The following AMZ1 variants were observed in gnomAD, a reference collection of about 807,000 sequenced individuals.
AMZ1 encodes archaemetzincin-1.
Under a neutral mutation model 29.9 loss-of-function variants are expected in AMZ1, and 39 were observed. That is an observed-to-expected ratio of 1.30 (90% CI 1.01 to 1.70). The LOEUF (loss-of-function observed/expected upper bound fraction) is 1.70. Ranked by LOEUF, AMZ1 falls within the 40% of genes most tolerant of loss-of-function variation. The probability of loss-of-function intolerance (pLI) is 0.00; values close to 1 mark genes in which losing one functional copy is unlikely to be tolerated. For synonymous variants in AMZ1, 458 were observed against 304.0 expected (o/e 1.51, Z -5.27); for missense variants, 1,041 against 680.6 (o/e 1.53, Z -5.89).
At chr7:2,722,859 T>C (rs921061158), downstream of AMZ1, among the ~76,000 whole-genome samples, 1 of 151,988 alleles carries the variant, frequency 6.6e-6, no homozygotes, top group South Asian at 2.1e-4. Context: ...ATGCCTGTGG[T>C]CCCAGCTACT....
rs140546848 is a variant in AMZ1, at chr7:2,717,303, C to T, written c.*4425C>T. ...GACGGAGAGAATCAGGGCTTCGCGA[C>T]GGGGCTCATAGACCTGAACTGGGTC... On this transcript the variant is annotated 3_prime_UTR_variant, in exon 7 of 7. Transcript: ENST00000683327. Among the ~76,000 whole-genome samples the T allele has an allele frequency of 1.7e-3, 256 of 152,280 alleles. 1 individual carries two copies. The highest frequency in any genetic ancestry group is 5.8e-3 in the African/African-American group (241 of 41,502).
chr7:2,733,126 G>A (rs1789984564), intron 4 of AMZ1, among the ~76,000 whole-genome samples: 1 of 152,190 alleles, frequency 6.6e-6, no homozygotes, highest in African/African-American at 2.4e-5. Context: ...AGTGATAACT[G>A]CCATGCCTGG....
chr7:2,694,864 G>C (rs190413919), intron 1 of AMZ1, among the ~76,000 whole-genome samples: 1,703 of 152,064 alleles, frequency 0.011, 21 homozygotes, highest in Middle Eastern at 0.031. Context: ...GTAGAGACAG[G>C]GTTTCACCAT....
rs1789173829 is a variant in AMZ1 at position 2,717,151 on chromosome 7, G to GT, written c.*4274dup. Among the ~76,000 whole-genome samples the GT allele has an allele frequency of 6.6e-6, 1 of 152,220 alleles. No homozygotes were observed. ...CTTCGGACTCTGAGGAGAGGCCTGGGTGGGTGGCCGGCACTCTTAGGTGAG... is the reference window on the plus strand; with the variant it reads ...CTTCGGACTCTGAGGAGAGGCCTGGGTTGGGTGGCCGGCACTCTTAGGTGAG... On this transcript the variant is annotated 3_prime_UTR_variant, in exon 7 of 7. Coordinates refer to ENST00000683327, the MANE Select transcript of AMZ1 (RefSeq NM_001384743.1).
At chr7:2,684,909 G>A (rs1480652576), upstream of AMZ1, among the ~76,000 whole-genome samples, 6 of 141,200 alleles carry the variant, frequency 4.2e-5, no homozygotes, top group Admixed American at 1.5e-4. Flanking sequence ...AGTCTCTGTC[G>A]CCCAGGCTGG....
intron 1 of AMZ1, among the ~76,000 whole-genome samples, chr7:2,688,881 G>A (rs111991494): frequency 0.014 from 2,058 of 152,352 alleles, 40 homozygotes; most frequent in African/African-American, 0.048. Flanking sequence ...GCAAGGGAGG[G>A]GTGACAGAGA....
rs1036893686 is a variant in AMZ1, at chr7:2,717,551, T to G, written c.*4673T>G. 2.0e-5 allele frequency among the ~76,000 whole-genome samples: 3 copies of G among 152,124 alleles called. No homozygotes were observed. Among genetic ancestry groups the G allele is most frequent in the Non-Finnish European group, 2.9e-5 (2 of 68,028 alleles). On this transcript the variant is annotated 3_prime_UTR_variant, in exon 7 of 7. Coordinates refer to ENST00000683327, the MANE Select transcript of AMZ1 (RefSeq NM_001384743.1). ...CCTGTGGGGCAACTGCACACAGAGGTGCCCAGTTTCAAGGAAACCTAAAGC... is the reference window on the plus strand; with the variant it reads ...CCTGTGGGGCAACTGCACACAGAGGGGCCCAGTTTCAAGGAAACCTAAAGC...
chr7:2,732,465 G>C (rs2115283926), intron 4 of AMZ1, among the ~76,000 whole-genome samples: 1 of 152,276 alleles, frequency 6.6e-6, no homozygotes, highest in East Asian at 1.9e-4. Context: ...AGGATCATTT[G>C]AACCTAGGAG....
chr7:2,709,357 ACT>A (rs1788597260), intron 5 of AMZ1, 113 bp downstream of exon 5: 2 of 1,182,554 alleles, frequency 1.7e-6, no homozygotes, highest in Non-Finnish European at 1.1e-6. Flanking sequence ...TGGACCCCTA[ACT>A]CTATGGAATG....
At position 2,700,471 on chromosome 7, in the gene AMZ1, C is replaced by T; in HGVS notation, c.20C>T (p.Ala7Val). The change falls in exon 2 of 7, where the codon GCA becomes GTA. Residue 7 changes from alanine (A) to valine (V), a missense_variant. Transcript: ENST00000683327. The stretch of plus-strand genomic sequence containing the variant: ...CCCACCATGCTGCAGTGTAGACCCG[C>T]ACAGGAGTTCAGCTTCGGGCCCCGG... MLQCRP[A>V]QEFSFGPRAL... The T allele has an allele frequency of 4.4e-6, 7 of 1,602,044 alleles. No individual in the cohort carries two copies. The highest frequency in any genetic ancestry group is 8.5e-7 in the Non-Finnish European group (1 of 1,179,862).
At position 2,743,996 on chromosome 7, in the gene AMZ1, T is replaced by C. The variant is rs1790639686; in HGVS notation, n.551-20716T>C. On this transcript the variant is annotated intron_variant and non_coding_transcript_variant, in intron 4 of 4. Transcript: ENST00000489665. ...GAGGGGTACCCACCATTGCCGAGACTTGATTAGGTAAACAAAGCAGCCGGG... is the reference window on the plus strand; with the variant it reads ...GAGGGGTACCCACCATTGCCGAGACCTGATTAGGTAAACAAAGCAGCCGGG... 1.3e-5 allele frequency among the ~76,000 whole-genome samples: 2 copies of C among 152,222 alleles called. 1 individual carries two copies. Among genetic ancestry groups the C allele is most frequent in the South Asian group, 4.1e-4 (2 of 4,822 alleles).
intron 6 of AMZ1, among the ~76,000 whole-genome samples, chr7:2,710,465 C>T (rs573326927): frequency 1.9e-4 from 29 of 152,350 alleles, no homozygotes; most frequent in African/African-American, 6.7e-4. Context: ...GTCAATGAAA[C>T]CGCGCTGGAA....
At chr7:2,719,683 ATTT>A (rs11426798), downstream of AMZ1, among the ~76,000 whole-genome samples, 1 of 147,324 alleles carries the variant, frequency 6.8e-6, no homozygotes, top group Non-Finnish European at 1.5e-5. Flanking sequence ...ATCAACCCCA[ATTT>A]TTTTTTTTTT....
rs1422586719 is a variant in AMZ1, at chr7:2,708,579, TC to T, written c.473-5del. ...CTCCTGACCCCATCCTCTGGCCCTCTCCCCGCAGACGGCATCCTGTCCTTCT... is the reference window on the plus strand; with the variant it reads ...CTCCTGACCCCATCCTCTGGCCCTCTCCCGCAGACGGCATCCTGTCCTTCT... On this transcript the variant is annotated splice_region_variant and splice_polypyrimidine_tract_variant and intron_variant, in intron 3 of 6. Coordinates refer to ENST00000683327, the MANE Select transcript of AMZ1 (RefSeq NM_001384743.1). The T allele has an allele frequency of 3.1e-6, 5 of 1,611,818 alleles. No homozygotes were observed. The highest frequency in any genetic ancestry group is 3.4e-6 in the Non-Finnish European group (4 of 1,179,814).
At chr7:2,755,010 G>C (rs1250429802) in intron 4 of AMZ1, among the ~76,000 whole-genome samples, 1 of 152,172 alleles carries the variant, frequency 6.6e-6, no homozygotes, top group Non-Finnish European at 1.5e-5. Context: ...TACAGAGACA[G>C]TCCAGCACCC....
At chr7:2,723,927 G>C, downstream of AMZ1, among the ~76,000 whole-genome samples, 1 of 151,792 alleles carries the variant, frequency 6.6e-6, no homozygotes. Flanking sequence ...ATTTTTTTTT[G>C]AGACAGTCTT....
intron 1 of AMZ1, among the ~76,000 whole-genome samples, chr7:2,694,871 C>G (rs2115068963): frequency 6.6e-6 from 1 of 152,236 alleles, no homozygotes; most frequent in African/African-American, 2.4e-5. Context: ...CAGGGTTTCA[C>G]CATGTTGGCC....
At chr7:2,758,196 C>T (rs191928636) in intron 4 of AMZ1, among the ~76,000 whole-genome samples, 33 of 152,294 alleles carry the variant, frequency 2.2e-4, no homozygotes, top group Non-Finnish European at 3.7e-4. Flanking sequence ...TCGATGCTTA[C>T]AGTATTAGAA....
intron 4 of AMZ1, chr7:2,730,458 T>A (rs535004793): frequency 1.3e-5 from 2 of 152,596 alleles, no homozygotes; most frequent in South Asian, 4.1e-4. Flanking sequence ...GGGCTGAGCC[T>A]GCTGTAGGGG....
Sources: allele counts gnomAD v4.1 joint callset (sites outside exome capture counted in the v4.1 genomes callset), GRCh38; gene constraint gnomAD v4.1.1; transcripts MANE v1.5; gene names NCBI Gene and HGNC (gene_info 2026-07-23, HGNC 2026-07-21).